Variants in SLC2A1 observed in about 807,000 individuals in gnomAD.
SLC2A1 encodes solute carrier family 2, facilitated glucose transporter member 1.
A neutral mutation model predicts 46.6 loss-of-function variants in SLC2A1; 4 were observed. The observed-to-expected ratio is 0.09, with a 90% CI of 0.04 to 0.20. SLC2A1 has a LOEUF of 0.20. Among genes scored for constraint, SLC2A1 ranks in the 10% least tolerant of loss-of-function variants. The pLI is 1.00. For missense variants in SLC2A1, 352 were observed against 667.0 expected (o/e 0.53, Z 5.20); for synonymous variants, 253 against 270.0 (o/e 0.94, Z 0.62).
At chr1:42,935,699 A>G (rs1051164947) in intron 2 of SLC2A1, among the ~76,000 whole-genome samples, 1 of 152,218 alleles carries the variant, frequency 6.6e-6, no homozygotes, top group African/African-American at 2.4e-5. Flanking sequence ...AGAGGAACCC[A>G]GCACTCTGTA....
chr1:42,939,632 ATTT>A (rs2124458515), intron 2 of SLC2A1, among the ~76,000 whole-genome samples: 1 of 152,244 alleles, frequency 6.6e-6, no homozygotes, highest in African/African-American at 2.4e-5. Flanking sequence ...TTCATCTCAG[ATTT>A]GTCTACATCT....
intron 2 of SLC2A1, among the ~76,000 whole-genome samples, chr1:42,935,614 G>GAGGAACCTGA (rs1643535053): frequency 6.6e-6 from 1 of 152,216 alleles, no homozygotes; most frequent in African/African-American, 2.4e-5. Flanking sequence ...TAAGAGTAAG[G>GAGGAACCTGA]AGGAACCTGA....
intron 2 of SLC2A1, among the ~76,000 whole-genome samples, chr1:42,937,393 C>A (rs989665742): frequency 9.2e-5 from 14 of 152,192 alleles, no homozygotes; most frequent in African/African-American, 3.4e-4. Flanking sequence ...GTGTGGGAAA[C>A]CTGAGATGTT....
At chr1:42,933,593 G>GT (rs1213230147) in intron 2 of SLC2A1, among the ~76,000 whole-genome samples, 3 of 152,150 alleles carry the variant, frequency 2.0e-5, no homozygotes, top group East Asian at 1.9e-4. Flanking sequence ...AAAAAACAGA[G>GT]TAACAAAATG....
Position 42,930,907 on chromosome 1 carries a change from T to A in SLC2A1, c.276-41A>T, listed in dbSNP as rs1643482627. 1.9e-6 allele frequency: 3 copies of A among 1,603,070 alleles called. No homozygotes were observed. The highest frequency in any genetic ancestry group is 2.5e-6 in the Non-Finnish European group (3 of 1,179,832). On this transcript the variant is annotated intron_variant, in intron 3 of 9. Coordinates refer to ENST00000426263, the MANE Select transcript of SLC2A1 (RefSeq NM_006516.4). The surrounding 1 kb of genome is among the most constrained non-coding windows in gnomAD (Gnocchi z 6.2). ...CAGGTCAGGCCAGTGCCCACATTCCTTGGGCTCCGAGGGGCTGGGTCAGAG... is the reference window on the plus strand; with the variant it reads ...CAGGTCAGGCCAGTGCCCACATTCCATGGGCTCCGAGGGGCTGGGTCAGAG...
chr1:42,958,287 T>C (rs1643801994), intron 1 of SLC2A1, among the ~76,000 whole-genome samples: 3 of 151,228 alleles, frequency 2.0e-5, no homozygotes, highest in South Asian at 4.1e-4. Context: ...GGGCTGCTGC[T>C]GCCGAGGTCG....
At chr1:42,942,904 T>C (rs1184961694) in intron 2 of SLC2A1, 1 of 396,398 alleles carries the variant, frequency 2.5e-6, no homozygotes, top group Non-Finnish European at 4.8e-6. Context: ...TGCAGCATTA[T>C]TGTATTGAGC....
intron 2 of SLC2A1, among the ~76,000 whole-genome samples, chr1:42,942,302 A>G (rs2124460930): frequency 6.6e-6 from 1 of 152,334 alleles, no homozygotes; most frequent in East Asian, 1.9e-4. Flanking sequence ...CCTGGGCCTC[A>G]GTTTCCGGGT....
At position 42,927,494 on chromosome 1, in the gene SLC2A1, C is replaced by T. The variant is rs1570590716; in HGVS notation, c.1278+111G>A. 8.9e-7 allele frequency: 1 copy of T among 1,124,228 alleles called. No homozygotes were observed. The allele number at this position is 1,124,228 out of a possible 1,614,324, so 69.6% of individuals were successfully genotyped here. A position where few individuals can be genotyped will look rare whatever the true frequency, so the allele number is the denominator to read the frequency against. On this transcript the variant is annotated intron_variant, in intron 9 of 9. Coordinates refer to ENST00000426263, the MANE Select transcript of SLC2A1 (RefSeq NM_006516.4). The surrounding 1 kb of genome is among the most constrained non-coding windows in gnomAD (Gnocchi z 5.3). ...TTGGTCATGTGACCTGGGCTTCCTA[C>T]CCTCAGTTTCCTCCTCAGCATGATT...
chr1:42,943,192 G>T (rs1394030526), intron 2 of SLC2A1, 34 bp downstream of exon 2: 1 of 1,388,362 alleles, frequency 7.2e-7, no homozygotes, highest in South Asian at 1.2e-5. Flanking sequence ...AGAGCAGGCT[G>T]GTGTCCATAA....
rs1643757539 is a variant in SLC2A1 at position 42,954,908 on chromosome 1, A to G, written c.18+3726T>C. 6.6e-6 allele frequency among the ~76,000 whole-genome samples: 1 copy of G among 152,254 alleles called. No individual in the cohort carries two copies. Among genetic ancestry groups the G allele is most frequent in the Non-Finnish European group, 1.5e-5 (1 of 68,046 alleles). On this transcript the variant is annotated intron_variant, in intron 1 of 9. Transcript: ENST00000426263. The surrounding 1 kb of genome is among the most constrained non-coding windows in gnomAD (Gnocchi z 4.2). The stretch of plus-strand genomic sequence containing the variant: ...GTAGGCAGGAAGCCTAAGGCAAAAA[A>G]GCAAAGCAAAGAAGCCCAAAGCAGC...
In SLC2A1 at chr1:42,929,152, A is replaced by T. The variant is rs775358572; in HGVS notation, c.972+58T>A. 1.3e-6 allele frequency: 2 copies of T among 1,546,400 alleles called. No homozygotes were observed. Among genetic ancestry groups the T allele is most frequent in the East Asian group, 4.5e-5 (2 of 44,498 alleles). ...AGGGCACTGCAAAGACCAGTGGGGA[A>T]GATGGCACTGCCTCCTCCCTGGGGT... On this transcript the variant is annotated intron_variant, in intron 7 of 9. Transcript: ENST00000426263. The surrounding 1 kb of genome is among the most constrained non-coding windows in gnomAD (Gnocchi z 6.0).
intron 2 of SLC2A1, among the ~76,000 whole-genome samples, chr1:42,941,218 G>A (rs1272581712): frequency 6.6e-6 from 1 of 152,100 alleles, no homozygotes; most frequent in African/African-American, 2.4e-5. Context: ...CTGGGCAGTG[G>A]GTCCCTATTG....
chr1:42,950,606 C>T (rs1365855551), intron 1 of SLC2A1, among the ~76,000 whole-genome samples: 1 of 152,150 alleles, frequency 6.6e-6, no homozygotes, highest in Admixed American at 6.5e-5. Context: ...TAAGATTGGG[C>T]ACATGCAAAG....
At chr1:42,958,548 CGGCGGGGGAGGCCCTGGCCGGCGTAA>C (rs1643806533) in intron 1 of SLC2A1, 60 bp downstream of exon 1, 1 of 1,175,750 alleles carries the variant, frequency 8.5e-7, no homozygotes, top group Non-Finnish European at 1.1e-6. Flanking sequence ...CGCAGCGGGG[CGGCGGGGGAGGCCCTGGCCGGCGTAA>C]GGCGGGCAGG....
intron 2 of SLC2A1, among the ~76,000 whole-genome samples, chr1:42,938,665 G>A (rs2124457695): frequency 6.6e-6 from 1 of 152,290 alleles, no homozygotes; most frequent in East Asian, 1.9e-4. Context: ...AGGGAAGTCA[G>A]TGTGCCCACT....
rs1455294883 is a variant in SLC2A1 at position 42,929,098 on chromosome 1, G to A, written c.973-65C>T. 5 of 1,573,274 alleles carry A rather than the reference G, an allele frequency of 3.2e-6. No individual in the cohort carries two copies. Among genetic ancestry groups the A allele is most frequent in the Non-Finnish European group, 4.4e-6 (5 of 1,143,882 alleles). On this transcript the variant is annotated intron_variant, in intron 7 of 9. Transcript: ENST00000426263. This position sits in a 1 kb window ranked among gnomAD's most constrained non-coding sequence, Gnocchi z 6.0. ...GCCCTTCTGAACCCACCCACCCAGAGGCCTTGCCTCAAGAGCTGAGAAAGT... is the reference window on the plus strand; with the variant it reads ...GCCCTTCTGAACCCACCCACCCAGAAGCCTTGCCTCAAGAGCTGAGAAAGT...
In SLC2A1 at chr1:42,929,498, G is replaced by T. The variant is rs1643464036; in HGVS notation, c.867+95C>A. 2.3e-6 allele frequency: 3 copies of T among 1,298,230 alleles called. No individual in the cohort carries two copies. Among genetic ancestry groups the T allele is most frequent in the Non-Finnish European group, 3.3e-6 (3 of 897,980 alleles). 80.4% of individuals were successfully genotyped at this position (1,298,230 alleles called of 1,614,324 possible). ...CTAAAGGGAAACTTCTTCGGCAGAG[G>T]CGTATCTGTTGTTTCAAGTTTGGGA... is the stretch of plus-strand genomic sequence containing the variant. On this transcript the variant is annotated intron_variant, in intron 6 of 9. Transcript: ENST00000426263. The surrounding 1 kb of genome is among the most constrained non-coding windows in gnomAD (Gnocchi z 6.0).
intron 2 of SLC2A1, among the ~76,000 whole-genome samples, chr1:42,931,573 C>A (rs910197776): frequency 6.6e-6 from 1 of 152,090 alleles, no homozygotes; most frequent in South Asian, 2.1e-4. Context: ...CGCCTGTAAT[C>A]CCAGCACTTT....
Sources: allele counts gnomAD v4.1 joint callset (sites outside exome capture counted in the v4.1 genomes callset), GRCh38; gene constraint gnomAD v4.1.1; non-coding constraint Gnocchi (gnomAD v3.1); transcripts MANE v1.5; gene names NCBI Gene and HGNC (gene_info 2026-07-23, HGNC 2026-07-21).